The following NOVA1 variants were observed in gnomAD, a reference collection of about 807,000 sequenced individuals.
NOVA1 encodes NOVA alternative splicing regulator 1.
In NOVA1, 7 loss-of-function variants were observed where a neutral mutation model predicts 38.0. The observed-to-expected ratio is 0.18, with a 90% CI of 0.10 to 0.35. The LOEUF (loss-of-function observed/expected upper bound fraction) is 0.35, where lower values mean the gene tolerates loss of function less well. Ranked by LOEUF, NOVA1 falls within the 10% of genes least tolerant of loss-of-function variation. The pLI is 1.00. For missense variants in NOVA1, 460 were observed against 616.0 expected (o/e 0.75, Z 2.68); for synonymous variants, 270 against 232.5 (o/e 1.16, Z -1.47).
intron 4 of NOVA1, among the ~76,000 whole-genome samples, chr14:26,454,818 CTATATAAT>C (rs1883022833): frequency 6.6e-6 from 1 of 152,074 alleles, no homozygotes; most frequent in African/African-American, 2.4e-5. Flanking sequence ...ATGATATACA[CTATATAAT>C]CTAACCAGAA....
At chr14:26,489,876 C>T (rs1173440227) in intron 2 of NOVA1, among the ~76,000 whole-genome samples, 2 of 152,080 alleles carry the variant, frequency 1.3e-5, no homozygotes, top group African/African-American at 4.8e-5. Context: ...ACATACAAAA[C>T]TGGTCCTTTT....
intron 2 of NOVA1, among the ~76,000 whole-genome samples, chr14:26,541,299 T>C (rs903842774): frequency 6.6e-6 from 1 of 152,012 alleles, no homozygotes; most frequent in African/African-American, 2.4e-5. Context: ...TAAGGTATTT[T>C]GTATAGGAAC....
chr14:26,481,982 T>C (rs1315719444), intron 2 of NOVA1, among the ~76,000 whole-genome samples: 1 of 38,038 alleles, frequency 2.6e-5, no homozygotes, highest in Non-Finnish European at 4.8e-5. Flanking sequence ...CTAACTTAGA[T>C]AGAGATAAAA....
At chr14:26,572,067 T>C (rs1892515140) in intron 2 of NOVA1, among the ~76,000 whole-genome samples, 2 of 152,206 alleles carry the variant, frequency 1.3e-5, no homozygotes, top group African/African-American at 2.4e-5. Flanking sequence ...TACCCTGTAC[T>C]AAAGGTTTGT....
intron 4 of NOVA1, among the ~76,000 whole-genome samples, chr14:26,461,703 C>T (rs985235423): frequency 2.0e-5 from 3 of 147,712 alleles, no homozygotes; most frequent in African/African-American, 7.5e-5. Flanking sequence ...CTGAGGCGGG[C>T]AGATCACCTG....
intron 4 of NOVA1, among the ~76,000 whole-genome samples, chr14:26,465,338 C>A (rs1884024658): frequency 6.6e-6 from 1 of 152,096 alleles, no homozygotes; most frequent in Admixed American, 6.6e-5. Context: ...CCACACCCAG[C>A]TAATTTTTGT....
intron 4 of NOVA1, among the ~76,000 whole-genome samples, chr14:26,451,517 C>T (rs555572353): frequency 1.1e-4 from 16 of 152,124 alleles, no homozygotes; most frequent in African/African-American, 3.1e-4. Context: ...ACAAGGCATG[C>T]GCCACCATGC....
intron 4 of NOVA1, among the ~76,000 whole-genome samples, chr14:26,462,672 CCAGT>C (rs1283409957): frequency 6.6e-6 from 1 of 151,952 alleles, no homozygotes; most frequent in Non-Finnish European, 1.5e-5. Flanking sequence ...ACTCCCTTTG[CCAGT>C]CAGTAAGTGC....
At chr14:26,492,635 T>A (rs1251718288) in intron 2 of NOVA1, among the ~76,000 whole-genome samples, 1 of 152,186 alleles carries the variant, frequency 6.6e-6, no homozygotes, top group Non-Finnish European at 1.5e-5. Flanking sequence ...AGCTATCCTA[T>A]GACTATAATG....
intron 2 of NOVA1, among the ~76,000 whole-genome samples, chr14:26,535,684 G>A (rs762568351): frequency 3.9e-5 from 6 of 152,146 alleles, no homozygotes; most frequent in Non-Finnish European, 8.8e-5. Context: ...TAGGCCGGGC[G>A]TGGTGGCTCA....
At chr14:26,537,833 T>C (rs546260381) in intron 2 of NOVA1, among the ~76,000 whole-genome samples, 12 of 152,266 alleles carry the variant, frequency 7.9e-5, no homozygotes, top group African/African-American at 2.2e-4. Context: ...AGTAATGTGA[T>C]AGAATGTGAA....
intron 2 of NOVA1, among the ~76,000 whole-genome samples, chr14:26,494,939 A>AAGCC (rs1273011954): frequency 1.3e-5 from 2 of 152,182 alleles, no homozygotes; most frequent in Non-Finnish European, 2.9e-5. Context: ...TCATATTAAG[A>AAGCC]GTTAAGTCTA....
chr14:26,457,132 G>T lies in NOVA1; in HGVS notation c.520-8169C>A, dbSNP rs546294926. Among the ~76,000 whole-genome samples, 22 of 151,902 alleles carry T rather than the reference G, an allele frequency of 1.4e-4. No homozygotes were observed. The East Asian group carries it at 4.1e-3, about 28-fold the overall frequency. Reference sequence around the variant, plus strand: ...ATTTTTTAAAAGCAGTGTAACAAAAGGAAATGGAACAATTGTCCAAAATTA... The same window carrying T: ...ATTTTTTAAAAGCAGTGTAACAAAATGAAATGGAACAATTGTCCAAAATTA... On this transcript the variant is annotated intron_variant, in intron 4 of 4. Transcript: ENST00000539517.
intron 2 of NOVA1, among the ~76,000 whole-genome samples, chr14:26,583,639 T>C (rs991855783): frequency 6.6e-6 from 1 of 151,272 alleles, no homozygotes; most frequent in African/African-American, 2.4e-5. Flanking sequence ...AACAGTATCA[T>C]ATTTTTCAGA....
At chr14:26,508,215 G>T (rs995192965) in intron 2 of NOVA1, among the ~76,000 whole-genome samples, 2 of 151,988 alleles carry the variant, frequency 1.3e-5, no homozygotes, top group African/African-American at 2.4e-5. Flanking sequence ...CACCATTCTT[G>T]TATTAACTTC....
At position 26,443,389 on chromosome 14, in the gene NOVA1, T is replaced by G. The variant is rs1881835165; in HGVS notation, c.*4570A>C. On this transcript the variant is annotated 3_prime_UTR_variant, in exon 5 of 5. Transcript: ENST00000539517. ...ACTTTAGAATTAAACAATATTTTAT[T>G]TACAAATCTGATTTGATGTACTTTA... is the stretch of plus-strand genomic sequence containing the variant. The G allele has an allele frequency of 6.6e-6, 1 of 152,000 alleles. No homozygotes were observed. Among genetic ancestry groups the G allele is most frequent in the Non-Finnish European group, 1.5e-5 (1 of 67,894 alleles). 9.4% of individuals were successfully genotyped at this position (152,000 alleles called of 1,614,324 possible).
chr14:26,597,113 A>C, intron 1 of NOVA1, 188 bp downstream of exon 1: 1 of 1,230,372 alleles, frequency 8.1e-7, no homozygotes, highest in Non-Finnish European at 1.0e-6. Context: ...TGTGTCGGGG[A>C]CACCTAGGCG....
intron 3 of NOVA1, among the ~76,000 whole-genome samples, chr14:26,473,039 T>C (rs1399134775): frequency 2.0e-5 from 3 of 150,522 alleles, no homozygotes; most frequent in Admixed American, 6.6e-5. Context: ...AGGTAACTAA[T>C]AGCATTCTAA....
At chr14:26,464,129 A>G (rs1348519379) in intron 4 of NOVA1, among the ~76,000 whole-genome samples, 2 of 152,156 alleles carry the variant, frequency 1.3e-5, no homozygotes, top group African/African-American at 4.8e-5. Context: ...AAATCCCTAG[A>G]TCACACTTTT....
Sources: gnomAD v4.1 joint callset for allele counts (sites outside exome capture counted in the v4.1 genomes callset) on GRCh38, gnomAD v4.1.1 for gene constraint, MANE v1.5 for transcripts, NCBI Gene and HGNC (gene_info 2026-07-23, HGNC 2026-07-21) for gene names.